Variants in SP140 observed in about 807,000 individuals in gnomAD.
SP140 encodes the protein nuclear body protein SP140.
Under a neutral mutation model 125.0 loss-of-function variants are expected in SP140, and 81 were observed. The ratio of observed to expected loss-of-function variants is 0.65; its 90% CI spans 0.54 to 0.78. The LOEUF is 0.78. Ranked by LOEUF, SP140 falls within the 30% of genes least tolerant of loss-of-function variation. The pLI is 0.00. For missense variants in SP140, 858 were observed against 1,037.0 expected (o/e 0.83, Z 2.37); for synonymous variants, 312 against 354.0 (o/e 0.88, Z 1.33).
Position 230,269,929 on chromosome 2 carries a change from A to T in SP140, c.1420A>T (p.Ser474Cys), listed in dbSNP as rs200029513. The T allele has an allele frequency of 7.4e-6, 12 of 1,613,780 alleles. No individual in the cohort carries two copies. The highest frequency in any genetic ancestry group is 1.1e-5 in the South Asian group (1 of 91,084). Reference sequence around the variant, plus strand: ...AGGAAGCCCAGAAGCAAGGACGGAAAGTGATCAAGCGTGTGGCACAATGGG... The same window carrying T: ...AGGAAGCCCAGAAGCAAGGACGGAATGTGATCAAGCGTGTGGCACAATGGG... ...VPGSPEARTE[S>C]DQACGTMDTV... is the part of the protein sequence containing the mutation. Residue 474 changes from serine (S) to cysteine (C), a missense_variant, in exon 14 of 27, where the codon AGT (serine) becomes TGT (cysteine). Physicochemically the swap from Ser to Cys is moderately radical, Grantham distance 112. This residue lies in a region of SP140 where 791 missense variants were observed against 869.5 expected (regional missense o/e 0.91). Transcript: ENST00000392045.
chr2:230,206,595 T>TTATATATATA (rs56817002), intron 1 of SP140, among the ~76,000 whole-genome samples: 765 of 70,144 alleles, frequency 0.011, 44 homozygotes, highest in East Asian at 0.018. Context: ...GGTCCAGATT[T>TTATATATATA]TATATATATA....
intron 12 of SP140, among the ~76,000 whole-genome samples, chr2:230,259,968 T>C (rs2051950719): frequency 6.6e-6 from 1 of 152,060 alleles, no homozygotes; most frequent in Non-Finnish European, 1.5e-5. Context: ...AGTAGTGGGA[T>C]TGCTGGATCA....
chr2:230,204,018 G>A (rs75939776), intron 1 of SP140, among the ~76,000 whole-genome samples: 19,127 of 151,742 alleles, frequency 0.13, 1,342 homozygotes, highest in South Asian at 0.27. Context: ...ATTTTACCCA[G>A]GTAAAAAATT....
chr2:230,188,971 G>T, the SP140 span, among the ~76,000 whole-genome samples: 1 of 152,014 alleles, frequency 6.6e-6, no homozygotes, highest in Non-Finnish European at 1.5e-5. Context: ...ATTTCCTCTA[G>T]ATTTTTCTAG....
chr2:230,314,395 C>G (rs2059467752), downstream of SP140, among the ~76,000 whole-genome samples: 1 of 152,220 alleles, frequency 6.6e-6, no homozygotes, highest in Non-Finnish European at 1.5e-5. Flanking sequence ...CAGCGTGCAT[C>G]AGCAGGAGCA....
chr2:230,264,502 C>A (rs2052751408), intron 12 of SP140, among the ~76,000 whole-genome samples: 1 of 152,066 alleles, frequency 6.6e-6, no homozygotes, highest in Admixed American at 6.5e-5. Flanking sequence ...TGGTTCGGAT[C>A]CATTGCTGGT....
At chr2:230,189,604 G>A in the SP140 span, among the ~76,000 whole-genome samples, 37,650 of 151,988 alleles carry the variant, frequency 0.25, 5,853 homozygotes, top group Non-Finnish European at 0.35. Flanking sequence ...TGGGACACAC[G>A]TGCAGAACAT....
At chr2:230,303,735 T>C (rs2058514419) in intron 22 of SP140, among the ~76,000 whole-genome samples, 1 of 152,174 alleles carries the variant, frequency 6.6e-6, no homozygotes, top group Non-Finnish European at 1.5e-5. Flanking sequence ...CTCCACAAAA[T>C]TGGCATAGAG....
chr2:230,282,903 C>A (rs1212520211), intron 15 of SP140, among the ~76,000 whole-genome samples: 1 of 152,192 alleles, frequency 6.6e-6, no homozygotes, highest in Non-Finnish European at 1.5e-5. Context: ...TTGGGGTTCC[C>A]AGTTCTGTTT....
intron 1 of SP140, among the ~76,000 whole-genome samples, chr2:230,209,430 TTGA>T (rs1291459664): frequency 1.3e-5 from 2 of 152,050 alleles, no homozygotes; most frequent in Non-Finnish European, 2.9e-5. Flanking sequence ...TTGGATGATA[TTGA>T]TGATGAGTGA....
rs759038184 is a variant in SP140 at position 230,270,658 on chromosome 2, T to G, written c.1498+19T>G. The stretch of plus-strand genomic sequence containing the variant: ...AAAAGAAGTAAGAATAAATAAGAAT[T>G]TATTTGCTTTTGGTATTACAAATAC... On this transcript the variant is annotated intron_variant, in intron 15 of 26. Transcript: ENST00000392045. 5.7e-6 allele frequency: 9 copies of G among 1,589,636 alleles called. No homozygotes were observed. In the South Asian group the frequency reaches 1.0e-4, roughly 18 times the overall value.
intron 15 of SP140, among the ~76,000 whole-genome samples, chr2:230,283,248 C>CATACCTCTTT (rs1452223453): frequency 6.6e-6 from 1 of 152,202 alleles, no homozygotes; most frequent in African/African-American, 2.4e-5. Flanking sequence ...TGTTTTCTCC[C>CATACCTCTTT]ATACCTCTTT....
upstream of SP140, chr2:230,221,932 C>T: frequency 1.7e-6 from 1 of 604,314 alleles, no homozygotes. Flanking sequence ...TATTCTAAGC[C>T]ATATATGCTT....
At chr2:230,203,694 GTATGTA>G (rs2043435763) in intron 1 of SP140, 1 of 152,062 alleles carries the variant, frequency 6.6e-6, no homozygotes, top group African/African-American at 2.4e-5. Flanking sequence ...TGAGAGTGTG[GTATGTA>G]TATTTTCAGC....
At position 230,270,608 on chromosome 2, in the gene SP140, C is replaced by T. The variant is rs766647321; in HGVS notation, c.1467C>T (p.Asn489=). The T allele has an allele frequency of 5.6e-6, 9 of 1,610,042 alleles. No homozygotes were observed. In the Admixed American group the frequency reaches 1.3e-4, roughly 24 times the overall value. Residue 489 remains asparagine, a synonymous_variant, in exon 15 of 27, where the codon AAC becomes AAT. Transcript: ENST00000392045. The part of the protein sequence containing the change: ...GTMDTVDIAN[N]STLGKPKRKR... ...CAGATACTGTGGATATTGCAAACAACTCCACTTTGGGAAAACCCAAGAGGA... is the reference window on the plus strand; with the variant it reads ...CAGATACTGTGGATATTGCAAACAATTCCACTTTGGGAAAACCCAAGAGGA...
chr2:230,249,049 C>A, intron 9 of SP140, 81 bp downstream of exon 9: 2 of 1,022,724 alleles, frequency 2.0e-6, no homozygotes, highest in African/African-American at 1.6e-5. Flanking sequence ...CCCTTTCTCC[C>A]ATCCTACCCT....
chr2:230,302,038 C>T (rs537746148), intron 22 of SP140, among the ~76,000 whole-genome samples: 4 of 152,142 alleles, frequency 2.6e-5, no homozygotes, highest in East Asian at 1.9e-4. Context: ...AGACAAAGAG[C>T]GACCTTATAT....
chr2:230,288,041 A>C, intron 18 of SP140, 75 bp downstream of exon 18: 1 of 1,229,344 alleles, frequency 8.1e-7, no homozygotes, highest in Non-Finnish European at 1.1e-6. Flanking sequence ...TACTTTCAGT[A>C]ATAAACCCAT....
At chr2:230,272,186 G>A (rs1299458884) in intron 15 of SP140, among the ~76,000 whole-genome samples, 1 of 152,110 alleles carries the variant, frequency 6.6e-6, no homozygotes, top group African/African-American at 2.4e-5. Flanking sequence ...AGCTACCATT[G>A]ACATTCCTCA....
Sources: gnomAD v4.1 joint callset for allele counts (sites outside exome capture counted in the v4.1 genomes callset) on GRCh38, gnomAD v4.1.1 for gene constraint, gnomAD v4.1.1 regional missense constraint, MANE v1.5 for transcripts, NCBI Gene and HGNC (gene_info 2026-07-23, HGNC 2026-07-21) for gene names.